The following WNT5B variants were observed in gnomAD, a reference collection of about 807,000 sequenced individuals.
WNT5B encodes the protein Wnt family member 5B, also known as protein Wnt-5b.
WNT5B carries 18 observed loss-of-function variants against 36.5 expected under a neutral mutation model. The ratio of observed to expected loss-of-function variants is 0.49; its 90% confidence interval spans 0.34 to 0.73. The LOEUF is 0.73. Among genes scored for constraint, WNT5B ranks in the 30% least tolerant of loss-of-function variants. The probability of loss-of-function intolerance (pLI) is 0.01; values close to 1 mark genes in which losing one functional copy is unlikely to be tolerated. For missense variants in WNT5B, 424 were observed against 508.4 expected (o/e 0.83, Z 1.60); for synonymous variants, 213 against 212.3 (o/e 1.00, Z -0.03).
At chr12:1,625,980 T>C (rs1012540669), upstream of WNT5B, among the ~76,000 whole-genome samples, 8 of 77,702 alleles carry the variant, frequency 1.0e-4, no homozygotes, top group African/African-American at 2.3e-4. Context: ...TTTCTCTCTC[T>C]TTTTTTTTTT....
rs1430368841 is a variant in WNT5B at position 1,644,789 on chromosome 12, T to C, written c.622-1005T>C. ...CTGTAAGCAGCTTTCTGGTCTGCTCTTGCTTTTACATTTTGATTTGGGATA... is the reference window on the plus strand; with the variant it reads ...CTGTAAGCAGCTTTCTGGTCTGCTCCTGCTTTTACATTTTGATTTGGGATA... On this transcript the variant is annotated intron_variant, in intron 4 of 4. Coordinates refer to ENST00000397196, the MANE Select transcript of WNT5B (RefSeq NM_032642.3). The surrounding 1 kb of genome is among the most constrained non-coding windows in gnomAD (Gnocchi z 5.1). 1 of 152,252 alleles carries C rather than the reference T, an allele frequency of 6.6e-6. No homozygotes were observed. Among genetic ancestry groups the C allele is most frequent in the Non-Finnish European group, 1.5e-5 (1 of 68,050 alleles). The allele number at this position is 152,252 out of a possible 1,614,324, so 9.4% of individuals were successfully genotyped here.
rs2094555351 is a variant in WNT5B at position 1,633,721 on chromosome 12, G to C, written c.328+816G>C. 6.6e-6 allele frequency among the ~76,000 whole-genome samples: 1 copy of C among 152,238 alleles called. No individual in the cohort carries two copies. Among genetic ancestry groups the C allele is most frequent in the Non-Finnish European group, 1.5e-5 (1 of 68,038 alleles). On this transcript the variant is annotated intron_variant, in intron 3 of 4. Transcript: ENST00000397196. This position sits in a 1 kb window ranked among gnomAD's most constrained non-coding sequence, Gnocchi z 4.8. ...TTAGAATGCTGTGTTCCTTCTGCCT[G>C]ACATTCTCCCAGAACACCTCCCTTC...
intron 1 of WNT5B, among the ~76,000 whole-genome samples, chr12:1,622,657 G>A (rs958069587): frequency 9.9e-5 from 15 of 152,200 alleles, no homozygotes; most frequent in Admixed American, 7.9e-4. Context: ...GAGAGCCAGA[G>A]GAGGGCTTTT....
At position 1,632,162 on chromosome 12, in the gene WNT5B, T is replaced by C. The variant is rs2094552166; in HGVS notation, c.81-496T>C. ...CCCAAAGGGAGTACCACGCAAAGGA[T>C]TGATTGCTTTCCATGGCTTATCATG... On this transcript the variant is annotated intron_variant, in intron 2 of 4. Coordinates refer to ENST00000397196, the MANE Select transcript of WNT5B (RefSeq NM_032642.3). This position sits in a 1 kb window ranked among gnomAD's most constrained non-coding sequence, Gnocchi z 5.8. 6.6e-6 allele frequency among the ~76,000 whole-genome samples: 1 copy of C among 152,188 alleles called. No homozygotes were observed. Among genetic ancestry groups the C allele is most frequent in the African/African-American group, 2.4e-5 (1 of 41,444 alleles).
At chr12:1,631,546 C>T in intron 2 of WNT5B, 112 bp downstream of exon 2, 3 of 1,514,576 alleles carry the variant, frequency 2.0e-6, no homozygotes, top group Non-Finnish European at 2.7e-6. Flanking sequence ...CCTGGGAGTA[C>T]TAAGGGCCTC....
intron 3 of WNT5B, among the ~76,000 whole-genome samples, chr12:1,635,517 G>T (rs745397738): frequency 3.3e-5 from 5 of 152,222 alleles, no homozygotes. Flanking sequence ...GAGCATTCTG[G>T]TGATTGGAGT....
At chr12:1,631,477 C>T (rs770174712) in intron 2 of WNT5B, 43 bp downstream of exon 2, 41 of 1,613,054 alleles carry the variant, frequency 2.5e-5, no homozygotes, top group Non-Finnish European at 3.2e-5. Flanking sequence ...AGCCGGAGGC[C>T]TCCTTCAGCG....
chr12:1,639,570 C>T, intron 3 of WNT5B, 114 bp from the exon 4 acceptor site: 2 of 1,220,474 alleles, frequency 1.6e-6, no homozygotes, highest in Non-Finnish European at 1.1e-6. Context: ...AGCCCCCTGC[C>T]CCAGGGGTGT....
At chr12:1,642,512 C>T (rs1029757064) in intron 4 of WNT5B, among the ~76,000 whole-genome samples, 1 of 152,140 alleles carries the variant, frequency 6.6e-6, no homozygotes, top group Non-Finnish European at 1.5e-5. Flanking sequence ...TTGCTTCAAC[C>T]CTGTATGTGC....
At chr12:1,631,107 G>T in intron 1 of WNT5B, 191 bp from the exon 2 acceptor site, 1 of 401,774 alleles carries the variant, frequency 2.5e-6, no homozygotes. Context: ...CCCACAGTTT[G>T]GGGTAAGAGA....
chr12:1,639,286 C>A (rs752145971), intron 3 of WNT5B, among the ~76,000 whole-genome samples: 4 of 151,314 alleles, frequency 2.6e-5, no homozygotes, highest in Non-Finnish European at 5.9e-5. Flanking sequence ...TACAGGCGCC[C>A]GCCACCACGC....
Position 1,632,543 on chromosome 12 carries a change from G to T in WNT5B, c.81-115G>T. ...CTGATTTACTAATTTTTCTTTCCAG[G>T]GCCTTGTACACAGGGACGCATTCAA... On this transcript the variant is annotated intron_variant, in intron 2 of 4. Transcript: ENST00000397196. This position sits in a 1 kb window ranked among gnomAD's most constrained non-coding sequence, Gnocchi z 5.8. 2.1e-6 allele frequency: 3 copies of T among 1,424,768 alleles called. No homozygotes were observed. Among genetic ancestry groups the T allele is most frequent in the South Asian group, 1.5e-5 (1 of 67,354 alleles). 88.3% of individuals were successfully genotyped at this position (1,424,768 alleles called of 1,614,324 possible). A position where few individuals can be genotyped will look rare whatever the true frequency, so the allele number is the denominator to read the frequency against.
At chr12:1,640,922 G>C (rs755224430) in intron 4 of WNT5B, among the ~76,000 whole-genome samples, 18 of 152,234 alleles carry the variant, frequency 1.2e-4, no homozygotes, top group Non-Finnish European at 1.5e-4. Context: ...TCTGAGAAAG[G>C]TCTGCGGTCT....
upstream of WNT5B, among the ~76,000 whole-genome samples, chr12:1,624,775 C>CA (rs1437802398): frequency 2.0e-5 from 3 of 152,066 alleles, no homozygotes; most frequent in East Asian, 5.8e-4. Flanking sequence ...CTTTAGGAAG[C>CA]ATTTGATCTA....
chr12:1,633,280 C>T lies in WNT5B; in HGVS notation c.328+375C>T, dbSNP rs2154439594. On this transcript the variant is annotated intron_variant, in intron 3 of 4. Coordinates refer to ENST00000397196, the MANE Select transcript of WNT5B (RefSeq NM_032642.3). The surrounding 1 kb of genome is among the most constrained non-coding windows in gnomAD (Gnocchi z 4.8). ...CTTTGTGTCTCAGTGCAAAAAAGAGCCTTGGGTAGAGAACCAGAAATTGCA... is the reference window on the plus strand; with the variant it reads ...CTTTGTGTCTCAGTGCAAAAAAGAGTCTTGGGTAGAGAACCAGAAATTGCA... Among the ~76,000 whole-genome samples, 1 of 152,170 alleles carries T rather than the reference C, an allele frequency of 6.6e-6. No homozygotes were observed. The highest frequency in any genetic ancestry group is 1.9e-4 in the East Asian group (1 of 5,180).
rs548125245 is a variant in WNT5B, at chr12:1,619,030, C to A, written c.-58+1887C>A. On this transcript the variant is annotated intron_variant, in intron 1 of 4. Coordinates refer to the WNT5B transcript ENST00000310594. ...GTACCTTATCACTGGGAATGGCACACACATTTCTGGGGAAGGGTAGTTTAG... is the reference window on the plus strand; with the variant it reads ...GTACCTTATCACTGGGAATGGCACAAACATTTCTGGGGAAGGGTAGTTTAG... 2.0e-5 allele frequency among the ~76,000 whole-genome samples: 3 copies of A among 152,212 alleles called. No homozygotes were observed. In the East Asian group the frequency reaches 5.8e-4, roughly 29 times the overall value.
intron 1 of WNT5B, among the ~76,000 whole-genome samples, chr12:1,620,736 G>T (rs372745374): frequency 2.2e-5 from 3 of 134,000 alleles, no homozygotes; most frequent in African/African-American, 8.7e-5. Context: ...ACGGAGTCTC[G>T]CTCTGTGGCC....
chr12:1,631,342 G>A lies in WNT5B; in HGVS notation c.-13G>A. 6.2e-7 allele frequency: 1 copy of A among 1,614,008 alleles called. No individual in the cohort carries two copies. Among genetic ancestry groups the A allele is most frequent in the Non-Finnish European group, 8.5e-7 (1 of 1,179,964 alleles). Reference sequence around the variant, plus strand: ...TGTCAGTCCCAGGGCACTGGGGAGGGCTGAGGCCGACCATGCCCAGCCTGC... The same window carrying A: ...TGTCAGTCCCAGGGCACTGGGGAGGACTGAGGCCGACCATGCCCAGCCTGC... On this transcript the variant is annotated 5_prime_UTR_variant, in exon 2 of 5. Transcript: ENST00000397196.
rs1386083002 is a variant in WNT5B at position 1,633,551 on chromosome 12, C to T, written c.328+646C>T. Among the ~76,000 whole-genome samples, 1 of 152,150 alleles carries T rather than the reference C, an allele frequency of 6.6e-6. No individual in the cohort carries two copies. Among genetic ancestry groups the T allele is most frequent in the African/African-American group, 2.4e-5 (1 of 41,420 alleles). On this transcript the variant is annotated intron_variant, in intron 3 of 4. Coordinates refer to ENST00000397196, the MANE Select transcript of WNT5B (RefSeq NM_032642.3). This position sits in a 1 kb window ranked among gnomAD's most constrained non-coding sequence, Gnocchi z 4.8. ...CACTGCTGGCCAAGGATTCTTGGGC[C>T]ACCCTATTGCTTAGATGGAGGTGTG...
Sources: gnomAD v4.1 joint callset for allele counts (sites outside exome capture counted in the v4.1 genomes callset) on GRCh38, gnomAD v4.1.1 for gene constraint, Gnocchi (gnomAD v3.1) non-coding constraint, MANE v1.5 for transcripts, NCBI Gene and HGNC (gene_info 2026-07-23, HGNC 2026-07-21) for gene names.